Variants in EMC8 observed in about 807,000 individuals in gnomAD.
EMC8 encodes ER membrane protein complex subunit 8.
A neutral mutation model predicts 24.3 loss-of-function variants in EMC8; 11 were observed. That is an observed-to-expected ratio of 0.45 (90% CI 0.28 to 0.75). The LOEUF (loss-of-function observed/expected upper bound fraction) is 0.75, where lower values mean the gene tolerates loss of function less well. Ranked by LOEUF, EMC8 falls within the 30% of genes least tolerant of loss-of-function variation. The pLI is 0.12. For synonymous variants in EMC8, 145 were observed against 117.7 expected (o/e 1.23, Z -1.50); for missense variants, 277 against 282.7 (o/e 0.98, Z 0.14).
At chr16:85,788,520 A>G (rs900215584) in intron 2 of EMC8, among the ~76,000 whole-genome samples, 4 of 152,264 alleles carry the variant, frequency 2.6e-5, no homozygotes, top group Admixed American at 6.5e-5. Flanking sequence ...GGATAAAGGA[A>G]AAGAAAGAAG....
intron 1 of EMC8, among the ~76,000 whole-genome samples, chr16:85,790,751 C>T (rs1281193601): frequency 6.6e-6 from 1 of 152,188 alleles, no homozygotes; most frequent in Non-Finnish European, 1.5e-5. Context: ...GTAGCCTGCC[C>T]TTATTTTCAC....
intron 3 of EMC8, chr16:85,780,725 T>C: frequency 1.8e-6 from 1 of 542,472 alleles, no homozygotes; most frequent in South Asian, 2.1e-5. Context: ...TCCCTCATCC[T>C]AGGATTCTGT....
chr16:85,788,051 C>T (rs1441199483), intron 2 of EMC8, among the ~76,000 whole-genome samples: 1 of 152,220 alleles, frequency 6.6e-6, no homozygotes, highest in African/African-American at 2.4e-5. Context: ...CTCTATCTGA[C>T]AACATGAGGA....
intron 2 of EMC8, among the ~76,000 whole-genome samples, chr16:85,786,832 A>G (rs539057279): frequency 2.9e-4 from 44 of 152,298 alleles, no homozygotes; most frequent in African/African-American, 1.0e-3. Flanking sequence ...AGGTAAGAAC[A>G]TGAGAGCTGT....
In EMC8 at chr16:85,779,468, T is replaced by A. The variant is rs568871017; in HGVS notation, c.*240A>T. Reference sequence around the variant, plus strand: ...GAAAGAGCTTTGATTTGGAGGATTATAGCAACATACAACTGAGAGAGTCCA... The same window carrying A: ...GAAAGAGCTTTGATTTGGAGGATTAAAGCAACATACAACTGAGAGAGTCCA... On this transcript the variant is annotated 3_prime_UTR_variant, in exon 5 of 5. Transcript: ENST00000253457. 2 of 431,004 alleles carry A rather than the reference T, an allele frequency of 4.6e-6. No homozygotes were observed. Among genetic ancestry groups the A allele is most frequent in the Non-Finnish European group, 8.5e-6 (2 of 236,532 alleles). 26.7% of individuals were successfully genotyped at this position (431,004 alleles called of 1,614,324 possible).
Position 85,779,698 on chromosome 16 carries a change from C to A in EMC8, c.*10G>T, listed in dbSNP as rs375983283. ...GGAAAGGCCCGGAGCCCAGTCACAG[C>A]GGTGCCTGCCTAGCACAAGTGTAGG... On this transcript the variant is annotated 3_prime_UTR_variant, in exon 5 of 5. Coordinates refer to ENST00000253457, the MANE Select transcript of EMC8 (RefSeq NM_006067.5). 11 of 1,613,230 alleles carry A rather than the reference C, an allele frequency of 6.8e-6. No individual in the cohort carries two copies. Among genetic ancestry groups the A allele is most frequent in the Non-Finnish European group, 9.3e-6 (11 of 1,179,330 alleles).
intron 2 of EMC8, among the ~76,000 whole-genome samples, chr16:85,786,301 G>A (rs1904751113): frequency 6.6e-6 from 1 of 152,222 alleles, no homozygotes; most frequent in African/African-American, 2.4e-5. Flanking sequence ...TCTAGAATAA[G>A]AAGAGCAAAT....
chr16:85,799,469 G>C lies in EMC8; in HGVS notation c.-174C>G. On this transcript the variant is annotated 5_prime_UTR_variant, in exon 1 of 5. Transcript: ENST00000253457. The surrounding 1 kb of genome is among the most constrained non-coding windows in gnomAD (Gnocchi z 4.2). ...GGCCCCGTTTGGGCCTCGGCTCCTGGAAAAGCGACTCGCGCCTCTGGGAAG... is the reference window on the plus strand; with the variant it reads ...GGCCCCGTTTGGGCCTCGGCTCCTGCAAAAGCGACTCGCGCCTCTGGGAAG... The C allele has an allele frequency of 2.9e-5, 11 of 381,854 alleles. No individual in the cohort carries two copies. Among genetic ancestry groups the C allele is most frequent in the East Asian group, 4.1e-5 (1 of 24,454 alleles). The allele number at this position is 381,854 out of a possible 1,614,324, so 23.7% of individuals were successfully genotyped here.
rs56098230 is a variant in EMC8 at position 85,787,044 on chromosome 16, C to G, written c.308+1930G>C. 6.3e-3 allele frequency among the ~76,000 whole-genome samples: 966 copies of G among 152,248 alleles called. 10 individuals carry two copies. The highest frequency in any genetic ancestry group is 0.022 in the African/African-American group (899 of 41,524). On this transcript the variant is annotated intron_variant, in intron 2 of 4. Coordinates refer to ENST00000253457, the MANE Select transcript of EMC8 (RefSeq NM_006067.5). ...CAGCCACGGCAGACACTGCTTGGTC[C>G]AGGAACACCTTCCTGCCAAGGGTGC...
At chr16:85,794,714 G>T (rs552280953) in intron 1 of EMC8, among the ~76,000 whole-genome samples, 1 of 152,134 alleles carries the variant, frequency 6.6e-6, no homozygotes, top group East Asian at 1.9e-4. Flanking sequence ...AATAACTATT[G>T]CCTGGCAAAA....
chr16:85,782,711 G>A (rs185985258), intron 2 of EMC8, among the ~76,000 whole-genome samples: 7 of 152,204 alleles, frequency 4.6e-5, no homozygotes, highest in Admixed American at 1.3e-4. Context: ...GCAGCACTCC[G>A]GAAGTCTCCT....
At chr16:85,793,330 G>C (rs948644233) in intron 1 of EMC8, among the ~76,000 whole-genome samples, 6 of 152,228 alleles carry the variant, frequency 3.9e-5, no homozygotes, top group African/African-American at 9.6e-5. Context: ...GCAGCAAAAA[G>C]TAGGCCTTGG....
At chr16:85,795,259 T>C (rs1201991723) in intron 1 of EMC8, among the ~76,000 whole-genome samples, 1 of 152,240 alleles carries the variant, frequency 6.6e-6, no homozygotes, top group Non-Finnish European at 1.5e-5. Flanking sequence ...GACAGGATTT[T>C]ACATGGCCAG....
At chr16:85,791,642 T>C (rs1380514857) in intron 1 of EMC8, among the ~76,000 whole-genome samples, 1 of 152,220 alleles carries the variant, frequency 6.6e-6, no homozygotes, top group East Asian at 1.9e-4. Flanking sequence ...CAGAAGTCTA[T>C]AATGGGTCAG....
chr16:85,782,964 G>A (rs557554960), intron 2 of EMC8, among the ~76,000 whole-genome samples: 1 of 152,238 alleles, frequency 6.6e-6, no homozygotes, highest in African/African-American at 2.4e-5. Flanking sequence ...TTCCTAACCG[G>A]TCTCATAATT....
chr16:85,787,343 A>G (rs372835993), intron 2 of EMC8, among the ~76,000 whole-genome samples: 4 of 151,786 alleles, frequency 2.6e-5, no homozygotes, highest in African/African-American at 9.7e-5. Flanking sequence ...TCATCCTACC[A>G]GGTCTAAGTC....
At chr16:85,783,411 A>G (rs924972732) in intron 2 of EMC8, among the ~76,000 whole-genome samples, 1 of 152,178 alleles carries the variant, frequency 6.6e-6, no homozygotes, top group Non-Finnish European at 1.5e-5. Context: ...CTTCCTGCTC[A>G]GCCTCACAAG....
At chr16:85,788,089 C>T (rs1904835728) in intron 2 of EMC8, among the ~76,000 whole-genome samples, 1 of 152,188 alleles carries the variant, frequency 6.6e-6, no homozygotes, top group Non-Finnish European at 1.5e-5. Flanking sequence ...CTGACGCATG[C>T]CCGTTATATA....
intron 1 of EMC8, among the ~76,000 whole-genome samples, chr16:85,790,326 T>C (rs538403209): frequency 2.6e-5 from 4 of 152,174 alleles, no homozygotes; most frequent in Admixed American, 1.3e-4. Flanking sequence ...GATTAGGATA[T>C]TTCTGGCCTC....
Sources: allele counts gnomAD v4.1 joint callset (sites outside exome capture counted in the v4.1 genomes callset), GRCh38; gene constraint gnomAD v4.1.1; non-coding constraint Gnocchi (gnomAD v3.1); transcripts MANE v1.5; gene names NCBI Gene and HGNC (gene_info 2026-07-23, HGNC 2026-07-21).